YIPF4: variants seen among roughly 807,000 people sequenced by gnomAD.
The protein encoded by YIPF4 is protein YIPF4.
A neutral mutation model predicts 29.4 loss-of-function variants in YIPF4; 18 were observed. The observed-to-expected ratio is 0.61, with a 90% CI of 0.42 to 0.91. The LOEUF (loss-of-function observed/expected upper bound fraction) is 0.91, where lower values mean the gene tolerates loss of function less well. Among genes scored for constraint, YIPF4 ranks in the 40% least tolerant of loss-of-function variants. YIPF4 has a pLI of 0.00. For synonymous variants in YIPF4, 115 were observed against 104.7 expected, an observed-to-expected ratio of 1.10 and a Z score of -0.60; for missense variants, 279 against 282.7, an observed-to-expected ratio of 0.99 and a Z score of 0.09.
At chr2:32,296,470 C>CAA (rs1217407449) in intron 3 of YIPF4, among the ~76,000 whole-genome samples, 3 of 87,882 alleles carry the variant, frequency 3.4e-5, no homozygotes, top group Admixed American at 1.3e-4. Context: ...GACTCAGTCT[C>CAA]AAAAAAAAAA....
Position 32,305,996 on chromosome 2 carries a change from A to AT in YIPF4, c.*377dup, listed in dbSNP as rs201901585. ...CAATATCTTGATAATCAAAAGTGCA[A>AT]TTTTTTTCTTCAAAATGTTTTCTCC... On this transcript the variant is annotated 3_prime_UTR_variant, in exon 6 of 6. Coordinates refer to ENST00000238831, the MANE Select transcript of YIPF4 (RefSeq NM_032312.4). 2.1e-3 allele frequency: 2,059 copies of AT among 985,234 alleles called. 34 individuals are homozygous for AT. In the African/African-American group the frequency reaches 0.033, roughly 16 times the overall value. 61.0% of individuals were successfully genotyped at this position (985,234 alleles called of 1,614,324 possible).
Position 32,314,461 on chromosome 2 carries a change from G to T in YIPF4, c.*8835G>T, listed in dbSNP as rs207461617. The T allele has an allele frequency of 6.6e-6, 1 of 152,174 alleles. No homozygotes were observed. The highest frequency in any genetic ancestry group is 1.9e-4 in the East Asian group (1 of 5,198). The allele number at this position is 152,174 out of a possible 1,614,324, so 9.4% of individuals were successfully genotyped here. On this transcript the variant is annotated 3_prime_UTR_variant, in exon 6 of 6. Coordinates refer to ENST00000238831, the MANE Select transcript of YIPF4 (RefSeq NM_032312.4). The stretch of plus-strand genomic sequence containing the variant: ...GGCAGAGGCTGGCAGATCACCTGAG[G>T]TTGGGAGTTTGAGACCAGCCTGACC...
intron 3 of YIPF4, among the ~76,000 whole-genome samples, chr2:32,295,524 T>C (rs2148964145): frequency 6.6e-6 from 1 of 152,332 alleles, no homozygotes; most frequent in Middle Eastern, 3.4e-3. Context: ...CCAGCATTCC[T>C]TGGCTTCTGG....
intron 1 of YIPF4, among the ~76,000 whole-genome samples, chr2:32,285,532 C>T (rs1214192536): frequency 6.6e-6 from 1 of 152,098 alleles, no homozygotes; most frequent in African/African-American, 2.4e-5. Context: ...TTGAGTGATA[C>T]TTTTCTGTCA....
chr2:32,290,616 T>C lies in YIPF4; in HGVS notation c.213T>C (p.Pro71=). 1 of 1,558,114 alleles carries C rather than the reference T, an allele frequency of 6.4e-7. No homozygotes were observed. The highest frequency in any genetic ancestry group is 8.7e-7 in the Non-Finnish European group (1 of 1,153,376). The part of the protein sequence containing the change: ...GWLLEVEDDD[P]EDNKPLLEEL... Reference sequence around the variant, plus strand: ...TTCTGGAAGTTGAAGATGATGATCCTGAAGATAACAAGCCACTCTTGTATG... The same window carrying C: ...TTCTGGAAGTTGAAGATGATGATCCCGAAGATAACAAGCCACTCTTGTATG... Residue 71 remains proline (P), a synonymous_variant, in exon 2 of 6, where the codon CCT becomes CCC. Transcript: ENST00000238831.
chr2:32,292,511 AG>A (rs1232777374), intron 3 of YIPF4, among the ~76,000 whole-genome samples, 163 bp downstream of exon 3: 1 of 152,180 alleles, frequency 6.6e-6, no homozygotes, highest in East Asian at 1.9e-4. Context: ...TAAATAAGTG[AG>A]GAGTACCTTA....
intron 1 of YIPF4, among the ~76,000 whole-genome samples, chr2:32,282,023 A>C (rs1411909871): frequency 6.6e-6 from 1 of 151,590 alleles, no homozygotes; most frequent in African/African-American, 2.4e-5. Flanking sequence ...TGATTGTGCC[A>C]GTGTGCTCCA....
chr2:32,305,347 A>G lies in YIPF4; in HGVS notation c.598-142A>G, dbSNP rs2031539810. 3 of 983,320 alleles carry G rather than the reference A, an allele frequency of 3.1e-6. No homozygotes were observed. In the Admixed American group the frequency reaches 1.1e-4, roughly 35 times the overall value. The allele number at this position is 983,320 out of a possible 1,614,324, so 60.9% of individuals were successfully genotyped here. On this transcript the variant is annotated intron_variant, in intron 5 of 5. Transcript: ENST00000238831. ...TGGACATTCTTAATAAGTTTTTAAC[A>G]TTTGTAACAAGTTTTACTATTTACC...
intron 2 of YIPF4, among the ~76,000 whole-genome samples, chr2:32,291,430 G>T (rs1558476708): frequency 6.6e-6 from 1 of 152,176 alleles, no homozygotes; most frequent in Non-Finnish European, 1.5e-5. Context: ...TGTAGTCCCA[G>T]CTGCTCGGGT....
At chr2:32,286,552 CA>C in intron 1 of YIPF4, among the ~76,000 whole-genome samples, 1 of 151,764 alleles carries the variant, frequency 6.6e-6, no homozygotes, top group East Asian at 1.9e-4. Flanking sequence ...TTGAAAAAAA[CA>C]TTTTTTTTTT....
chr2:32,296,274 C>A (rs2031177454), intron 3 of YIPF4, among the ~76,000 whole-genome samples: 2 of 152,010 alleles, frequency 1.3e-5, no homozygotes, highest in South Asian at 2.1e-4. Flanking sequence ...GAGTTCAAGA[C>A]CAGCCTGGCC....
chr2:32,300,874 A>G (rs1455602929), intron 4 of YIPF4, among the ~76,000 whole-genome samples: 1 of 152,154 alleles, frequency 6.6e-6, no homozygotes, highest in Non-Finnish European at 1.5e-5. Flanking sequence ...TATTTCATTT[A>G]CTCTCCACAG....
intron 3 of YIPF4, among the ~76,000 whole-genome samples, chr2:32,297,566 G>A (rs897733627): frequency 5.3e-5 from 8 of 152,004 alleles, no homozygotes; most frequent in African/African-American, 1.2e-4. Context: ...TCAGGAGTTC[G>A]AGACCAGCCT....
chr2:32,307,088 AT>A lies in YIPF4; in HGVS notation c.*1469del. 2 of 1,289,998 alleles carry A rather than the reference AT, an allele frequency of 1.6e-6. No individual in the cohort carries two copies. The highest frequency in any genetic ancestry group is 1.5e-5 in the African/African-American group (1 of 64,964). 79.9% of individuals were successfully genotyped at this position (1,289,998 alleles called of 1,614,324 possible). A position where few individuals can be genotyped will look rare whatever the true frequency, so the allele number is the denominator to read the frequency against. On this transcript the variant is annotated 3_prime_UTR_variant, in exon 6 of 6. Transcript: ENST00000238831. ...ATAATGTAGAAAATTACATGTACTG[AT>A]TTTTTTAAAAACAGGTGAGAAGCAC...
intron 1 of YIPF4, among the ~76,000 whole-genome samples, chr2:32,283,912 G>A (rs1391938261): frequency 6.6e-6 from 1 of 151,912 alleles, no homozygotes; most frequent in Non-Finnish European, 1.5e-5. Flanking sequence ...TAGAGACGGG[G>A]TTTTACCACG....
chr2:32,306,395 T>C lies in YIPF4; in HGVS notation c.*769T>C. 1.0e-6 allele frequency: 1 copy of C among 985,266 alleles called. No homozygotes were observed. Among genetic ancestry groups the C allele is most frequent in the East Asian group, 1.1e-4 (1 of 8,814 alleles). 61.0% of individuals were successfully genotyped at this position (985,266 alleles called of 1,614,324 possible). Reference sequence around the variant, plus strand: ...CTGACCAAAGGAGCAAGAGGTATAATGGATATGGCATTCATTAAAATCTTT... The same window carrying C: ...CTGACCAAAGGAGCAAGAGGTATAACGGATATGGCATTCATTAAAATCTTT... On this transcript the variant is annotated 3_prime_UTR_variant, in exon 6 of 6. Transcript: ENST00000238831.
Position 32,315,135 on chromosome 2 carries a change from G to A in YIPF4, c.*9509G>A, listed in dbSNP as rs1253352470. ...TTGGTGAGTGGCTTTCATCCTCATT[G>A]TCTCAGAAAAGTTATTTCACCTCTA... On this transcript the variant is annotated 3_prime_UTR_variant, in exon 6 of 6. Coordinates refer to ENST00000238831, the MANE Select transcript of YIPF4 (RefSeq NM_032312.4). 6.6e-6 allele frequency: 1 copy of A among 152,100 alleles called. No individual in the cohort carries two copies. Among genetic ancestry groups the A allele is most frequent in the Non-Finnish European group, 1.5e-5 (1 of 68,018 alleles). 9.4% of individuals were successfully genotyped at this position (152,100 alleles called of 1,614,324 possible). A position where few individuals can be genotyped will look rare whatever the true frequency, so the allele number is the denominator to read the frequency against.
At chr2:32,286,606 C>T (rs1005001688) in intron 1 of YIPF4, among the ~76,000 whole-genome samples, 8 of 151,696 alleles carry the variant, frequency 5.3e-5, no homozygotes, top group Middle Eastern at 3.2e-3. Flanking sequence ...AGTGCAGTGG[C>T]GCGATCTCAG....
In YIPF4 at chr2:32,305,687, T is replaced by G. The variant is rs200438765; in HGVS notation, c.*61T>G. 2.6e-5 allele frequency: 36 copies of G among 1,365,066 alleles called. No homozygotes were observed. In the East Asian group the frequency reaches 9.7e-4, roughly 37 times the overall value. The allele number at this position is 1,365,066 out of a possible 1,614,324, so 84.6% of individuals were successfully genotyped here. ...AATTTGTGTGTAGGCTGGGAATTCT[T>G]GCTGAAGGAATTGGAGAAAACCTGT... On this transcript the variant is annotated 3_prime_UTR_variant, in exon 6 of 6. Coordinates refer to ENST00000238831, the MANE Select transcript of YIPF4 (RefSeq NM_032312.4).
Sources: gnomAD v4.1 joint callset for allele counts (sites outside exome capture counted in the v4.1 genomes callset) on GRCh38, gnomAD v4.1.1 for gene constraint, MANE v1.5 for transcripts, NCBI Gene and HGNC (gene_info 2026-07-23, HGNC 2026-07-21) for gene names.